The following FIG4 variants were observed in gnomAD, a reference collection of about 807,000 sequenced individuals.
FIG4 encodes the protein FIG4 phosphoinositide 5-phosphatase, also known as polyphosphoinositide phosphatase.
FIG4 carries 112 observed loss-of-function variants against 118.6 expected under a neutral mutation model. The ratio of observed to expected loss-of-function variants is 0.94; its 90% CI spans 0.81 to 1.11. The LOEUF is 1.11. Ranked by LOEUF, FIG4 falls within the 50% of genes least tolerant of loss-of-function variation. The probability of loss-of-function intolerance (pLI) is 0.00; values close to 1 mark genes in which losing one functional copy is unlikely to be tolerated. For missense variants in FIG4, 969 were observed against 1,111.7 expected, an observed-to-expected ratio of 0.87 and a Z score of 1.83; for synonymous variants, 369 against 381.2, an observed-to-expected ratio of 0.97 and a Z score of 0.37.
At chr6:109,813,251 CCT>C (rs774376025) in intron 22 of FIG4, among the ~76,000 whole-genome samples, 23 of 151,860 alleles carry the variant, frequency 1.5e-4, no homozygotes, top group Non-Finnish European at 3.2e-4. Context: ...GGCCTGATAT[CCT>C]CTCTCTCTCT....
chr6:109,709,090 T>C (rs932202525), intron 1 of FIG4, among the ~76,000 whole-genome samples: 35 of 152,340 alleles, frequency 2.3e-4, no homozygotes, highest in Admixed American at 2.2e-3. Flanking sequence ...TTTTTGTACT[T>C]CTGGGTTTTA....
chr6:109,787,115 C>A (rs2128396388), intron 18 of FIG4, among the ~76,000 whole-genome samples: 1 of 152,266 alleles, frequency 6.6e-6, no homozygotes, highest in South Asian at 2.1e-4. Flanking sequence ...GGCATGGTTT[C>A]CATTCTCTCT....
chr6:109,766,804 T>A lies in FIG4; in HGVS notation c.1659T>A (p.Arg553=). 1.2e-6 allele frequency: 2 copies of A among 1,613,826 alleles called. No individual in the cohort carries two copies. Among genetic ancestry groups the A allele is most frequent in the Non-Finnish European group, 1.7e-6 (2 of 1,179,730 alleles). The part of the protein sequence containing the change: ...LQYGGSQLVH[R]VKTYRKIAPW... ...ATGGTGGTTCTCAACTTGTTCATCG[T>A]GTGAAAACCTACAGAAAGATAGCAC... Residue 553 remains arginine, a synonymous_variant, in exon 15 of 23, where the codon CGT becomes CGA. Transcript: ENST00000230124.
intron 3 of FIG4, among the ~76,000 whole-genome samples, chr6:109,718,912 C>T (rs114829909): frequency 0.01 from 1,458 of 140,872 alleles, 31 homozygotes; most frequent in African/African-American, 0.037. Flanking sequence ...ATGTTGATAC[C>T]TTATTACATT....
chr6:109,782,715 T>C (rs529186577), intron 16 of FIG4, among the ~76,000 whole-genome samples: 14 of 152,338 alleles, frequency 9.2e-5, no homozygotes, highest in African/African-American at 3.4e-4. Context: ...TACACCCCTC[T>C]TAAACAATTA....
At chr6:109,756,218 A>T (rs1168081592) in intron 10 of FIG4, among the ~76,000 whole-genome samples, 1 of 152,070 alleles carries the variant, frequency 6.6e-6, no homozygotes, top group Admixed American at 6.5e-5. Context: ...CTGGATATGA[A>T]ATTCTGGGTT....
At chr6:109,692,380 T>C (rs1774499218) in intron 1 of FIG4, among the ~76,000 whole-genome samples, 1 of 152,232 alleles carries the variant, frequency 6.6e-6, no homozygotes, top group Non-Finnish European at 1.5e-5. Flanking sequence ...TTATAAACTG[T>C]TTCTCTGAAA....
At chr6:109,772,557 A>G (rs1418778461) in intron 15 of FIG4, among the ~76,000 whole-genome samples, 19 of 152,100 alleles carry the variant, frequency 1.2e-4, no homozygotes, top group Non-Finnish European at 2.5e-4. Context: ...CCTGGGTTCA[A>G]GAGACTCCCC....
At chr6:109,716,187 AATCTCT>A (rs1775425122) in intron 2 of FIG4, among the ~76,000 whole-genome samples, 1 of 152,196 alleles carries the variant, frequency 6.6e-6, no homozygotes, top group Non-Finnish European at 1.5e-5. Flanking sequence ...AGATCCCTTA[AATCTCT>A]GCATCTCTGG....
intron 11 of FIG4, among the ~76,000 whole-genome samples, chr6:109,761,675 C>T (rs529020291): frequency 3.0e-4 from 45 of 152,364 alleles, no homozygotes; most frequent in African/African-American, 1.1e-3. Context: ...GCGTGAGCCA[C>T]TGCACCCAGC....
chr6:109,765,022 C>A lies in FIG4; in HGVS notation c.1444C>A (p.Leu482Ile). 1 of 1,613,894 alleles carries A rather than the reference C, an allele frequency of 6.2e-7. No individual in the cohort carries two copies. The highest frequency in any genetic ancestry group is 8.5e-7 in the Non-Finnish European group (1 of 1,179,848). The part of the protein sequence containing the change: ...IPTGRLQTGI[L>I]RTNCVDCLDR... The stretch of plus-strand genomic sequence containing the variant: ...AGGTATTTCTCTTTAGACTGGCATC[C>A]TTCGAACCAACTGTGTGGACTGTTT... The change falls in exon 14 of 23, where the codon CTT becomes ATT. Residue 482 changes from leucine (L) to isoleucine (I), a missense_variant. By Grantham distance (5) the Leu-to-Ile change is conservative (BLOSUM62 2). Coordinates refer to ENST00000230124, the MANE Select transcript of FIG4 (RefSeq NM_014845.6).
In FIG4 at chr6:109,766,721, T is replaced by A. The variant is rs199522051; in HGVS notation, c.1584-8T>A. 1,422 of 1,613,232 alleles carry A rather than the reference T, an allele frequency of 8.8e-4. 2 individuals are homozygous for A. Among genetic ancestry groups the A allele is most frequent in the Non-Finnish European group, 8.5e-4 (1,003 of 1,179,216 alleles). On this transcript the variant is annotated splice_polypyrimidine_tract_variant and splice_region_variant and intron_variant, in intron 14 of 22. Coordinates refer to ENST00000230124, the MANE Select transcript of FIG4 (RefSeq NM_014845.6). The stretch of plus-strand genomic sequence containing the variant: ...TGAAATTCTTTAATCGGGTTTTTCT[T>A]TTTTTAGGTTATTTGAGGAACTCTA...
chr6:109,757,092 CT>C (rs1458459630), intron 10 of FIG4, among the ~76,000 whole-genome samples: 3 of 152,132 alleles, frequency 2.0e-5, no homozygotes, highest in African/African-American at 7.2e-5. Flanking sequence ...CTCCCCCTCT[CT>C]TTTTTTCTTT....
intron 1 of FIG4, among the ~76,000 whole-genome samples, chr6:109,712,110 C>T (rs1775282931): frequency 6.6e-6 from 1 of 152,212 alleles, no homozygotes; most frequent in South Asian, 2.1e-4. Context: ...TTTAGGGCTT[C>T]AGCTGAGAGG....
At position 109,711,560 on chromosome 6, in the gene FIG4, CTG is replaced by C. The variant is rs568287780; in HGVS notation, c.67-3516_67-3515del. Reference sequence around the variant, plus strand: ...TTTTAAAGCTTTGTTGGTTTTAACTCTGTTTTGTCAGAAACTAGAATTGCAAC... The same window carrying C: ...TTTTAAAGCTTTGTTGGTTTTAACTCTTTTGTCAGAAACTAGAATTGCAAC... On this transcript the variant is annotated intron_variant, in intron 1 of 22. Transcript: ENST00000230124. Among the ~76,000 whole-genome samples, 10 of 151,806 alleles carry C rather than the reference CTG, an allele frequency of 6.6e-5. No individual in the cohort carries two copies. In the South Asian group the frequency reaches 2.1e-3, roughly 32 times the overall value.
intron 22 of FIG4, among the ~76,000 whole-genome samples, chr6:109,804,533 T>C (rs896110912): frequency 7.9e-5 from 12 of 152,208 alleles, no homozygotes; most frequent in African/African-American, 2.7e-4. Flanking sequence ...CACTGCCCTT[T>C]GCATGTTACT....
chr6:109,755,677 T>A (rs1408050070), intron 10 of FIG4, among the ~76,000 whole-genome samples: 1 of 152,130 alleles, frequency 6.6e-6, no homozygotes, highest in Non-Finnish European at 1.5e-5. Context: ...AATTGATCCC[T>A]TACCATTATG....
chr6:109,742,122 A>G (rs992681847), intron 8 of FIG4, among the ~76,000 whole-genome samples: 46 of 152,016 alleles, frequency 3.0e-4, no homozygotes, highest in African/African-American at 1.0e-3. Context: ...AAAATGTCTA[A>G]TGTTGTGGAG....
At chr6:109,778,372 A>G (rs1777682554) in intron 16 of FIG4, among the ~76,000 whole-genome samples, 1 of 151,120 alleles carries the variant, frequency 6.6e-6, no homozygotes. Flanking sequence ...CGGGAGTCTG[A>G]GGCAGGAGAA....
Sources: allele counts gnomAD v4.1 joint callset (sites outside exome capture counted in the v4.1 genomes callset), GRCh38; gene constraint gnomAD v4.1.1; transcripts MANE v1.5; gene names NCBI Gene and HGNC (gene_info 2026-07-23, HGNC 2026-07-21).